LARGE1: variants seen among roughly 807,000 people sequenced by gnomAD.
The protein encoded by LARGE1 is LARGE xylosyl- and glucuronyltransferase 1, also known as xylosyl- and glucuronyltransferase LARGE1.
Under a neutral mutation model 87.6 loss-of-function variants are expected in LARGE1, and 43 were observed. That is an observed-to-expected ratio of 0.49 (90% CI 0.38 to 0.63). The LOEUF (loss-of-function observed/expected upper bound fraction) is 0.63, where lower values mean the gene tolerates loss of function less well. Among genes scored for constraint, LARGE1 ranks in the 30% least tolerant of loss-of-function variants. The pLI is 0.00. For missense variants in LARGE1, 802 were observed against 1,000.2 expected (o/e 0.80, Z 2.67); for synonymous variants, 434 against 394.6 (o/e 1.10, Z -1.18).
At position 33,229,318 on chromosome 22, in the gene LARGE1, G is replaced by A. The variant is rs73885014; in HGVS notation, c.1731-62486C>T. 7.5e-3 allele frequency among the ~76,000 whole-genome samples: 1,133 copies of A among 152,020 alleles called. 3 individuals carry two copies. The highest frequency in any genetic ancestry group is 0.027 in the Middle Eastern group (8 of 294). Reference sequence around the variant, plus strand: ...AATTATAATGAAGGAAATTCAACAAGTAATAATGAGGAAAATTAGCATCTC... The same window carrying A: ...AATTATAATGAAGGAAATTCAACAAATAATAATGAGGAAAATTAGCATCTC... On this transcript the variant is annotated intron_variant, in intron 11 of 11. Coordinates refer to the LARGE1 transcript ENST00000608642.
chr22:33,396,576 T>C (rs1186449737), intron 7 of LARGE1, among the ~76,000 whole-genome samples: 2 of 152,036 alleles, frequency 1.3e-5, no homozygotes, highest in Admixed American at 6.5e-5. Context: ...TGGGTTTTTC[T>C]CAAGTGTGAA....
intron 1 of LARGE1, among the ~76,000 whole-genome samples, chr22:33,815,974 G>A (rs2086636961): frequency 1.3e-5 from 2 of 152,070 alleles, no homozygotes; most frequent in Admixed American, 1.3e-4. Context: ...CAAAAACACA[G>A]GCAACCCTCC....
intron 9 of LARGE1, among the ~76,000 whole-genome samples, chr22:33,379,752 G>A (rs1478620731): frequency 6.6e-6 from 1 of 152,184 alleles, no homozygotes. Flanking sequence ...GAATTGATCA[G>A]TGGGGAAGTT....
intron 1 of LARGE1, among the ~76,000 whole-genome samples, chr22:33,845,360 G>A (rs2063399027): frequency 1.3e-5 from 2 of 152,122 alleles, no homozygotes; most frequent in Admixed American, 6.5e-5. Context: ...CCAGGCTGGA[G>A]TGTAATGGCA....
chr22:33,374,370 A>G (rs1386772083), intron 9 of LARGE1, among the ~76,000 whole-genome samples: 1 of 152,224 alleles, frequency 6.6e-6, no homozygotes, highest in Non-Finnish European at 1.5e-5. Context: ...TGTTATCAAT[A>G]TAATTTCCTG....
At chr22:33,576,098 G>A (rs998422290) in intron 5 of LARGE1, among the ~76,000 whole-genome samples, 26 of 152,158 alleles carry the variant, frequency 1.7e-4, no homozygotes, top group African/African-American at 5.8e-4. Context: ...TAGCTGCTGC[G>A]TAGCCTGATC....
At chr22:33,412,646 TTTTTA>T (rs533287089) in intron 7 of LARGE1, among the ~76,000 whole-genome samples, 535 of 152,294 alleles carry the variant, frequency 3.5e-3, no homozygotes, top group Non-Finnish European at 6.1e-3. Context: ...CATAATCTGA[TTTTTA>T]TTTTATTTTA....
At chr22:33,850,610 C>T (rs2063557987) in intron 1 of LARGE1, among the ~76,000 whole-genome samples, 1 of 152,182 alleles carries the variant, frequency 6.6e-6, no homozygotes, top group East Asian at 1.9e-4. Context: ...TTATCAAGAT[C>T]TGAAATTCCA....
chr22:33,385,475 C>T (rs765611993), intron 7 of LARGE1, among the ~76,000 whole-genome samples: 2 of 119,522 alleles, frequency 1.7e-5, no homozygotes, highest in East Asian at 4.9e-4. Flanking sequence ...TTGCAGTGAG[C>T]TGAGATCGTG....
chr22:33,637,973 T>C (rs1019832805), intron 3 of LARGE1, among the ~76,000 whole-genome samples: 1 of 152,126 alleles, frequency 6.6e-6, no homozygotes, highest in South Asian at 2.1e-4. Context: ...CACGTGACAA[T>C]ACCACCAGGT....
At chr22:33,339,742 C>T (rs1938934747) in intron 9 of LARGE1, among the ~76,000 whole-genome samples, 2 of 152,166 alleles carry the variant, frequency 1.3e-5, no homozygotes. Flanking sequence ...ACTCTTGGCT[C>T]ACTGCAGCCT....
intron 2 of LARGE1, among the ~76,000 whole-genome samples, chr22:33,694,860 G>GA (rs935416717): frequency 2.6e-5 from 4 of 152,062 alleles, no homozygotes; most frequent in African/African-American, 9.7e-5. Flanking sequence ...TGACTTTGGG[G>GA]GCATGAGCAA....
At chr22:33,822,684 T>A (rs2062673978) in intron 1 of LARGE1, among the ~76,000 whole-genome samples, 2 of 152,070 alleles carry the variant, frequency 1.3e-5, no homozygotes, top group South Asian at 4.1e-4. Flanking sequence ...GGTGACAGAA[T>A]AAGGCTCCAT....
intron 6 of LARGE1, among the ~76,000 whole-genome samples, chr22:33,552,515 CA>C (rs955647292): frequency 7.9e-5 from 12 of 151,778 alleles, no homozygotes; most frequent in Non-Finnish European, 1.3e-4. Flanking sequence ...TGTGGTCAAA[CA>C]ATAAAAGTTG....
chr22:33,790,058 G>C (rs2085774058), intron 1 of LARGE1, among the ~76,000 whole-genome samples: 1 of 152,114 alleles, frequency 6.6e-6, no homozygotes, highest in Non-Finnish European at 1.5e-5. Context: ...AACTCCCCTT[G>C]AATTGTAATA....
chr22:33,200,281 T>C (rs953563771), intron 11 of LARGE1, among the ~76,000 whole-genome samples: 2 of 152,188 alleles, frequency 1.3e-5, no homozygotes, highest in Non-Finnish European at 2.9e-5. Context: ...TAAAATACTA[T>C]AAATCACAAT....
chr22:33,188,663 C>G (rs1247605818), intron 11 of LARGE1, among the ~76,000 whole-genome samples: 1 of 152,172 alleles, frequency 6.6e-6, no homozygotes, highest in African/African-American at 2.4e-5. Context: ...CAGAAGGGAA[C>G]CAGGCACTGA....
chr22:33,630,023 C>A (rs2080054444), intron 3 of LARGE1, among the ~76,000 whole-genome samples: 1 of 152,112 alleles, frequency 6.6e-6, no homozygotes, highest in Admixed American at 6.5e-5. Context: ...CATGGTGAAA[C>A]CCCATTTCTA....
chr22:33,547,793 C>CAAAAAA (rs57220257), intron 6 of LARGE1, among the ~76,000 whole-genome samples: 8 of 35,746 alleles, frequency 2.2e-4, no homozygotes, highest in Non-Finnish European at 3.2e-4. Context: ...GACTCCATCT[C>CAAAAAA]AAAAAAAAAA....
Sources: gnomAD v4.1 joint callset for allele counts (sites outside exome capture counted in the v4.1 genomes callset) on GRCh38, gnomAD v4.1.1 for gene constraint, MANE v1.5 for transcripts, NCBI Gene and HGNC (gene_info 2026-07-23, HGNC 2026-07-21) for gene names.